Variants in ADAM28 observed in about 807,000 individuals in gnomAD.
ADAM28 encodes disintegrin and metalloproteinase domain-containing protein 28.
Under a neutral mutation model 101.2 loss-of-function variants are expected in ADAM28, and 105 were observed. The observed-to-expected ratio is 1.04, with a 90% CI of 0.89 to 1.22. The LOEUF is 1.22. Ranked by LOEUF, ADAM28 falls within the 50% of genes most tolerant of loss-of-function variation. The pLI is 0.00. For missense variants in ADAM28, 1,028 were observed against 945.4 expected (o/e 1.09, Z -1.15); for synonymous variants, 322 against 310.6 (o/e 1.04, Z -0.39).
intron 3 of ADAM28, 45 bp from the exon 4 acceptor site, chr8:24,310,118 C>A (rs752602026): frequency 6.3e-7 from 1 of 1,589,902 alleles, no homozygotes; most frequent in Non-Finnish European, 8.6e-7. Context: ...ATGGACTTAG[C>A]AATCAGCACA....
At chr8:24,320,900 AAATT>A (rs1273531858) in intron 7 of ADAM28, among the ~76,000 whole-genome samples, 1 of 151,942 alleles carries the variant, frequency 6.6e-6, no homozygotes, top group Admixed American at 6.6e-5. Flanking sequence ...TGTGTCTCTT[AAATT>A]AATAAGATAT....
At chr8:24,336,224 C>A in intron 14 of ADAM28, 1 of 916,502 alleles carries the variant, frequency 1.1e-6, no homozygotes, top group Non-Finnish European at 1.3e-6. Flanking sequence ...CTAATTTCAC[C>A]AAGAAAACTT....
In ADAM28 at chr8:24,354,683, G is replaced by A; in HGVS notation, c.*279G>A. ...ATCTCCGAAGTTAAAATCTGTAATA[G>A]GAATTGATTCATTCTCTAATGAAAA... On this transcript the variant is annotated 3_prime_UTR_variant, in exon 23 of 23. Transcript: ENST00000265769. 3.5e-6 allele frequency: 1 copy of A among 289,450 alleles called. No individual in the cohort carries two copies. Among genetic ancestry groups the A allele is most frequent in the South Asian group, 8.5e-5 (1 of 11,828 alleles). 17.9% of individuals were successfully genotyped at this position (289,450 alleles called of 1,614,324 possible).
At chr8:24,300,499 C>G (rs930563985) in intron 2 of ADAM28, among the ~76,000 whole-genome samples, 1 of 152,028 alleles carries the variant, frequency 6.6e-6, no homozygotes, top group African/African-American at 2.4e-5. Flanking sequence ...TCACTGCAAG[C>G]TCCGCCTCCC....
In ADAM28 at chr8:24,341,881, T is replaced by C. The variant is rs903224371; in HGVS notation, c.1830+124T>C. 3.2e-5 allele frequency: 37 copies of C among 1,146,796 alleles called. No individual in the cohort carries two copies. The African/African-American group carries it at 5.5e-4, about 17-fold the overall frequency. 71.0% of individuals were successfully genotyped at this position (1,146,796 alleles called of 1,614,324 possible). On this transcript the variant is annotated intron_variant, in intron 16 of 22. Coordinates refer to ENST00000265769, the MANE Select transcript of ADAM28 (RefSeq NM_014265.6). ...GATTTTGGGGTTCGCCATGCCTTAA[T>C]AGAACCCACAGAGTTTGAATTTGGA... is the stretch of plus-strand genomic sequence containing the variant.
chr8:24,351,452 T>TAACA, intron 20 of ADAM28, 142 bp downstream of exon 20: 3 of 895,856 alleles, frequency 3.3e-6, no homozygotes, highest in Non-Finnish European at 5.5e-6. Context: ...TGCCTTTTGT[T>TAACA]AAAGGCAAAA....
chr8:24,305,712 A>AT (rs1289021741), intron 2 of ADAM28, among the ~76,000 whole-genome samples: 5 of 151,684 alleles, frequency 3.3e-5, no homozygotes, highest in African/African-American at 4.9e-5. Flanking sequence ...AAAATCTTTT[A>AT]TTTTTTTAGT....
chr8:24,308,812 C>T lies in ADAM28; in HGVS notation c.151-1082C>T. ...GACTTTGGAGAGGGCTAAATCCCAG[C>T]ACGGTGCTCATGATCTGATGATTCT... is the stretch of plus-strand genomic sequence containing the variant. On this transcript the variant is annotated intron_variant, in intron 2 of 22. Coordinates refer to ENST00000265769, the MANE Select transcript of ADAM28 (RefSeq NM_014265.6). 1.2e-5 allele frequency: 5 copies of T among 415,506 alleles called. 1 individual carries two copies. The highest frequency in any genetic ancestry group is 9.6e-6 in the Non-Finnish European group (2 of 207,756). The allele number at this position is 415,506 out of a possible 1,614,324, so 25.7% of individuals were successfully genotyped here. A position where few individuals can be genotyped will look rare whatever the true frequency, so the allele number is the denominator to read the frequency against.
Position 24,332,865 on chromosome 8 carries a change from T to C in ADAM28, c.1371+116T>C, listed in dbSNP as rs1813538213. 7.8e-6 allele frequency: 4 copies of C among 513,978 alleles called. No homozygotes were observed. The South Asian group carries it at 3.3e-4, about 42-fold the overall frequency. The allele number at this position is 513,978 out of a possible 1,614,324, so 31.8% of individuals were successfully genotyped here. ...ATATTTTTCTTTATATAAAATGATA[T>C]ATTTACTATTTATGAAGCACTTACT... On this transcript the variant is annotated intron_variant, in intron 13 of 22. Transcript: ENST00000265769.
chr8:24,326,512 T>A, intron 9 of ADAM28, 42 bp from the exon 10 acceptor site: 1 of 1,570,312 alleles, frequency 6.4e-7, no homozygotes, highest in Non-Finnish European at 8.8e-7. Context: ...AAATAGAGCT[T>A]AGCATTATAA....
intron 9 of ADAM28, among the ~76,000 whole-genome samples, chr8:24,325,783 G>A (rs780058623): frequency 3.6e-5 from 5 of 140,798 alleles, no homozygotes; most frequent in Admixed American, 7.7e-5. Context: ...AATTTCCCAC[G>A]TAAGTGCATC....
intron 21 of ADAM28, among the ~76,000 whole-genome samples, chr8:24,352,750 A>G (rs1816313337): frequency 6.6e-6 from 1 of 152,132 alleles, no homozygotes; most frequent in South Asian, 2.1e-4. Flanking sequence ...CAATATTCTC[A>G]TGGGTGGGGT....
intron 7 of ADAM28, among the ~76,000 whole-genome samples, chr8:24,320,816 A>G (rs1476408088): frequency 6.6e-6 from 1 of 152,018 alleles, no homozygotes; most frequent in Non-Finnish European, 1.5e-5. Flanking sequence ...GTATGAAAAT[A>G]TAAGTCAACC....
chr8:24,306,367 T>TATATATATATATATTTAAAAAAAAAA (rs1563270579), intron 2 of ADAM28, among the ~76,000 whole-genome samples: 4 of 136,324 alleles, frequency 2.9e-5, no homozygotes, highest in African/African-American at 1.1e-4. Flanking sequence ...TAAATAAATA[T>TATATATATATATATTTAAAAAAAAAA]ATATATATAT....
chr8:24,326,496 C>T, intron 9 of ADAM28, 58 bp from the exon 10 acceptor site: 1 of 1,497,774 alleles, frequency 6.7e-7, no homozygotes. Context: ...GATGTATTGT[C>T]TATAAAAATA....
In ADAM28 at chr8:24,355,583, G is replaced by A. The variant is rs566340006; in HGVS notation, c.*1179G>A. Reference sequence around the variant, plus strand: ...CAACACTTCTGGAAAATTTTTCCTCGTCTCTTTTTCTGGATATGGGCATCT... The same window carrying A: ...CAACACTTCTGGAAAATTTTTCCTCATCTCTTTTTCTGGATATGGGCATCT... On this transcript the variant is annotated 3_prime_UTR_variant, in exon 23 of 23. Transcript: ENST00000265769. 4.0e-5 allele frequency: 6 copies of A among 150,208 alleles called. No homozygotes were observed. Among genetic ancestry groups the A allele is most frequent in the African/African-American group, 1.2e-4 (5 of 40,868 alleles). The allele number at this position is 150,208 out of a possible 1,614,324, so 9.3% of individuals were successfully genotyped here.
intron 10 of ADAM28, among the ~76,000 whole-genome samples, chr8:24,327,778 C>T (rs1224949898): frequency 1.3e-5 from 2 of 152,004 alleles, no homozygotes; most frequent in Non-Finnish European, 2.9e-5. Flanking sequence ...CAAAAACAAG[C>T]AATGGGGAAA....
chr8:24,299,478 A>G (rs1808414616), intron 1 of ADAM28, among the ~76,000 whole-genome samples: 1 of 152,136 alleles, frequency 6.6e-6, no homozygotes, highest in African/African-American at 2.4e-5. Flanking sequence ...TTTTATTAGT[A>G]TAGAATATTG....
chr8:24,318,490 G>A (rs1287890370), intron 6 of ADAM28, among the ~76,000 whole-genome samples: 2 of 151,806 alleles, frequency 1.3e-5, no homozygotes, highest in Middle Eastern at 3.2e-3. Context: ...GCCATCAGAC[G>A]TTTATCTCTA....
Sources: allele counts gnomAD v4.1 joint callset (sites outside exome capture counted in the v4.1 genomes callset), GRCh38; gene constraint gnomAD v4.1.1; transcripts MANE v1.5; gene names NCBI Gene and HGNC (gene_info 2026-07-23, HGNC 2026-07-21).